Variants in SUGCT observed in about 807,000 individuals in gnomAD.
The protein encoded by SUGCT is succinyl-CoA:glutarate CoA-transferase.
In SUGCT, 41 loss-of-function variants were observed where a neutral mutation model predicts 55.0. That is an observed-to-expected ratio of 0.74 (90% CI 0.58 to 0.97). The LOEUF (loss-of-function observed/expected upper bound fraction) is 0.97. Ranked by LOEUF, SUGCT falls within the 50% of genes least tolerant of loss-of-function variation. SUGCT has a pLI of 0.00. For missense variants in SUGCT, 568 were observed against 547.8 expected, an observed-to-expected ratio of 1.04 and a Z score of -0.37; for synonymous variants, 187 against 200.4, an observed-to-expected ratio of 0.93 and a Z score of 0.56.
chr7:40,157,346 C>T (rs1874233), intron 1 of SUGCT, among the ~76,000 whole-genome samples: 86,627 of 151,990 alleles, frequency 0.57, 26,485 homozygotes, highest in African/African-American at 0.8. Flanking sequence ...CTGTACAAAC[C>T]TACAGATTCA....
chr7:40,604,340 T>A (rs148052607), intron 12 of SUGCT, among the ~76,000 whole-genome samples: 10 of 152,260 alleles, frequency 6.6e-5, no homozygotes, highest in African/African-American at 1.9e-4. Context: ...GTTACATGAA[T>A]CTGCTTGGTT....
chr7:40,894,057 AAG>A, the SUGCT span, among the ~76,000 whole-genome samples: 2 of 42,410 alleles, frequency 4.7e-5, no homozygotes, highest in Non-Finnish European at 8.2e-5. Flanking sequence ...CTGTCTTAAG[AAG>A]AAAAAAAAAA....
the SUGCT span, among the ~76,000 whole-genome samples, chr7:41,020,982 G>A: frequency 1.3e-5 from 2 of 152,188 alleles, no homozygotes; most frequent in African/African-American, 4.8e-5. Flanking sequence ...AGATGGACAG[G>A]AGATGTGGCC....
intron 5 of SUGCT, among the ~76,000 whole-genome samples, chr7:40,192,456 G>A (rs1785970231): frequency 6.6e-6 from 1 of 152,116 alleles, no homozygotes; most frequent in African/African-American, 2.4e-5. Flanking sequence ...TTATGGGCAT[G>A]TGTTATGGTC....
intron 9 of SUGCT, among the ~76,000 whole-genome samples, chr7:40,415,098 ATCT>A (rs1786915052): frequency 2.7e-5 from 4 of 147,042 alleles, no homozygotes; most frequent in Middle Eastern, 3.4e-3. Context: ...CTATCTATCT[ATCT>A]ATCTATCTAT....
rs28681038 is a variant in SUGCT, at chr7:40,165,526, C to G, written c.101-15421C>G. 3.5e-3 allele frequency among the ~76,000 whole-genome samples: 538 copies of G among 152,266 alleles called. 3 individuals are homozygous for G. The highest frequency in any genetic ancestry group is 0.012 in the African/African-American group (507 of 41,548). On this transcript the variant is annotated intron_variant, in intron 1 of 13. Coordinates refer to ENST00000335693, the MANE Select transcript of SUGCT (RefSeq NM_001193313.2). The stretch of plus-strand genomic sequence containing the variant: ...CTTTCCATACTAGAGGCCAAAAAGA[C>G]AGAGAGATATACAAGCTGCTCAATA...
At chr7:40,430,349 T>C (rs1787828568) in intron 9 of SUGCT, among the ~76,000 whole-genome samples, 1 of 152,226 alleles carries the variant, frequency 6.6e-6, no homozygotes, top group Non-Finnish European at 1.5e-5. Context: ...GACATTTTGA[T>C]TGTAGCTATC....
intron 9 of SUGCT, among the ~76,000 whole-genome samples, chr7:40,418,750 G>C (rs764135431): frequency 5.2e-4 from 79 of 152,192 alleles, no homozygotes; most frequent in Admixed American, 2.0e-4. Context: ...GTAATCCACT[G>C]GTTACCATGA....
intron 8 of SUGCT, among the ~76,000 whole-genome samples, chr7:40,294,775 G>A (rs766401682): frequency 8.5e-5 from 13 of 152,126 alleles, no homozygotes. Context: ...TCGGCCTCCT[G>A]ACCTCAGGTG....
chr7:40,453,822 C>T (rs932264448), intron 10 of SUGCT, among the ~76,000 whole-genome samples: 2 of 152,202 alleles, frequency 1.3e-5, no homozygotes, highest in African/African-American at 4.8e-5. Context: ...AACAGGCCAT[C>T]AATGCCAACG....
chr7:40,229,811 T>C (rs1054562298), intron 6 of SUGCT, among the ~76,000 whole-genome samples: 14 of 93,240 alleles, frequency 1.5e-4, no homozygotes, highest in Non-Finnish European at 2.6e-4. Flanking sequence ...AGACTCTGTC[T>C]CAAAAAAAAA....
chr7:40,774,764 G>A (rs147713406), intron 13 of SUGCT, among the ~76,000 whole-genome samples: 235 of 141,122 alleles, frequency 1.7e-3, no homozygotes, highest in African/African-American at 5.5e-3. Context: ...AACGACTAAG[G>A]CATTTTGGCA....
intron 1 of SUGCT, among the ~76,000 whole-genome samples, chr7:40,156,245 C>T (rs1013824929): frequency 1.2e-4 from 19 of 152,046 alleles, no homozygotes; most frequent in Admixed American, 2.0e-4. Flanking sequence ...AGGCGGATCA[C>T]GAGGTCAGGA....
chr7:40,869,425 A>G, the SUGCT span, among the ~76,000 whole-genome samples: 4 of 152,342 alleles, frequency 2.6e-5, no homozygotes, highest in South Asian at 8.3e-4. Flanking sequence ...TCAGTCCTAC[A>G]ACCACAAGGA....
At chr7:40,898,674 A>G in the SUGCT span, among the ~76,000 whole-genome samples, 1 of 151,928 alleles carries the variant, frequency 6.6e-6, no homozygotes, top group Non-Finnish European at 1.5e-5. Flanking sequence ...CAGTGAGCAG[A>G]GATCGCGCCG....
chr7:40,960,942 A>G, the SUGCT span, among the ~76,000 whole-genome samples: 1 of 152,374 alleles, frequency 6.6e-6, no homozygotes, highest in African/African-American at 2.4e-5. Flanking sequence ...ATTGAGCAGG[A>G]AAGTCTGAAA....
the SUGCT span, among the ~76,000 whole-genome samples, chr7:40,939,572 T>C: frequency 2.0e-5 from 3 of 152,226 alleles, no homozygotes; most frequent in Non-Finnish European, 4.4e-5. Context: ...TTTTTAATAA[T>C]GGCCATTCTG....
intron 12 of SUGCT, among the ~76,000 whole-genome samples, chr7:40,604,504 A>C (rs544608867): frequency 3.3e-5 from 5 of 152,252 alleles, no homozygotes; most frequent in Non-Finnish European, 2.9e-5. Flanking sequence ...TAGGTGAAGG[A>C]CTTTATGCCA....
At chr7:40,947,540 T>G in the SUGCT span, among the ~76,000 whole-genome samples, 3 of 152,100 alleles carry the variant, frequency 2.0e-5, no homozygotes, top group African/African-American at 7.2e-5. Flanking sequence ...GTCTAAGAAT[T>G]TTTCTGTTGA....
Sources: allele counts gnomAD v4.1 joint callset (sites outside exome capture counted in the v4.1 genomes callset), GRCh38; gene constraint gnomAD v4.1.1; transcripts MANE v1.5; gene names NCBI Gene and HGNC (gene_info 2026-07-23, HGNC 2026-07-21).